The following CADM2 variants were observed in gnomAD, a reference collection of about 807,000 sequenced individuals.
CADM2 encodes the protein immunoglobulin superfamily member 4D.
CADM2 carries 12 observed loss-of-function variants against 49.8 expected under a neutral mutation model. The ratio of observed to expected loss-of-function variants is 0.24; its 90% CI spans 0.15 to 0.39. The LOEUF is 0.39. Among genes scored for constraint, CADM2 ranks in the 10% least tolerant of loss-of-function variants. CADM2 has a pLI of 1.00. For missense variants in CADM2, 378 were observed against 492.3 expected, an observed-to-expected ratio of 0.77 and a Z score of 2.20; for synonymous variants, 214 against 175.4, an observed-to-expected ratio of 1.22 and a Z score of -1.74.
At chr3:85,760,529 T>G (rs2069325184) in intron 2 of CADM2, among the ~76,000 whole-genome samples, 1 of 152,172 alleles carries the variant, frequency 6.6e-6, no homozygotes. Flanking sequence ...CACCTTAACA[T>G]AGTTCTAGTA....
chr3:85,927,937 TA>T (rs1485282004), intron 6 of CADM2, among the ~76,000 whole-genome samples: 30 of 152,170 alleles, frequency 2.0e-4, no homozygotes, highest in Non-Finnish European at 2.4e-4. Flanking sequence ...TGACGCTAAA[TA>T]CTTTCAAAGC....
At chr3:85,302,375 C>T (rs576128661) in intron 1 of CADM2, among the ~76,000 whole-genome samples, 10 of 152,088 alleles carry the variant, frequency 6.6e-5, no homozygotes, top group Non-Finnish European at 1.5e-4. Flanking sequence ...TGCAGGAATC[C>T]TGAGTATGTC....
chr3:85,306,085 A>G (rs906565668), intron 1 of CADM2, among the ~76,000 whole-genome samples: 1 of 151,692 alleles, frequency 6.6e-6, no homozygotes, highest in Non-Finnish European at 1.5e-5. Flanking sequence ...TGAGATAAAT[A>G]TATTATTTGA....
chr3:85,841,420 A>G lies in CADM2; in HGVS notation c.238+39224A>G, dbSNP rs557839933. 2.6e-5 allele frequency among the ~76,000 whole-genome samples: 4 copies of G among 152,030 alleles called. No homozygotes were observed. In the East Asian group the frequency reaches 7.8e-4, roughly 29 times the overall value. ...AGCTTAAAGTTTATTTAGTCCTACC[A>G]TCTTTCTGATATTACTTTCATTTCC... On this transcript the variant is annotated intron_variant, in intron 3 of 9. Transcript: ENST00000383699.
At chr3:85,247,176 G>A (rs528212791) in intron 1 of CADM2, among the ~76,000 whole-genome samples, 5 of 152,144 alleles carry the variant, frequency 3.3e-5, no homozygotes, top group Admixed American at 6.5e-5. Context: ...AAAGGGCATA[G>A]TGTAGAACAT....
intron 1 of CADM2, among the ~76,000 whole-genome samples, chr3:85,033,144 C>G (rs1431123799): frequency 6.6e-6 from 1 of 152,072 alleles, no homozygotes; most frequent in Non-Finnish European, 1.5e-5. Flanking sequence ...ATCATTTTTG[C>G]TTTTTGAGAT....
intron 2 of CADM2, among the ~76,000 whole-genome samples, chr3:85,748,207 A>G (rs753430954): frequency 6.6e-6 from 1 of 152,054 alleles, no homozygotes; most frequent in East Asian, 1.9e-4. Context: ...TCTTCCAGAC[A>G]TCAAAGCCTT....
chr3:85,689,110 T>A (rs545928284), intron 1 of CADM2, among the ~76,000 whole-genome samples: 1 of 152,302 alleles, frequency 6.6e-6, no homozygotes, highest in African/African-American at 2.4e-5. Flanking sequence ...TATCAATAGA[T>A]GCAAAAACAT....
At chr3:85,942,377 A>G (rs1257565186) in intron 7 of CADM2, among the ~76,000 whole-genome samples, 2 of 151,830 alleles carry the variant, frequency 1.3e-5, no homozygotes, top group Non-Finnish European at 2.9e-5. Context: ...GTACATGTGC[A>G]TATTGTGCAG....
At position 85,297,290 on chromosome 3, in the gene CADM2, A is replaced by G. The variant is rs191720408; in HGVS notation, c.61+337622A>G. On this transcript the variant is annotated intron_variant, in intron 1 of 9. Transcript: ENST00000383699. ...CTTCTATTTCTCTGGATATAATTAT[A>G]CTATTCACAAAGCTCTGAACTCTAG... Among the ~76,000 whole-genome samples, 4 of 152,190 alleles carry G rather than the reference A, an allele frequency of 2.6e-5. No individual in the cohort carries two copies. The East Asian group carries it at 7.8e-4, about 30-fold the overall frequency.
At chr3:85,215,732 G>A (rs2041910085) in intron 1 of CADM2, among the ~76,000 whole-genome samples, 1 of 152,090 alleles carries the variant, frequency 6.6e-6, no homozygotes. Context: ...GTCTTTCCGG[G>A]ACTCAAGTTC....
chr3:85,949,613 T>G (rs1011164676), intron 7 of CADM2, among the ~76,000 whole-genome samples: 2 of 151,144 alleles, frequency 1.3e-5, no homozygotes, highest in Admixed American at 6.6e-5. Context: ...CTTCAAAACT[T>G]TCAGTTTTAA....
chr3:85,764,526 G>A (rs2069555380), intron 2 of CADM2, among the ~76,000 whole-genome samples: 1 of 152,046 alleles, frequency 6.6e-6, no homozygotes, highest in South Asian at 2.1e-4. Flanking sequence ...TATGTTCAAA[G>A]TCAAGTCTTT....
At chr3:85,854,275 C>T (rs1441637581) in intron 3 of CADM2, among the ~76,000 whole-genome samples, 2 of 152,086 alleles carry the variant, frequency 1.3e-5, no homozygotes, top group African/African-American at 2.4e-5. Context: ...AATCCCACTA[C>T]TGGGTATATA....
chr3:85,372,773 G>C (rs1018656756), intron 1 of CADM2, among the ~76,000 whole-genome samples: 2 of 152,124 alleles, frequency 1.3e-5, no homozygotes, highest in Non-Finnish European at 2.9e-5. Context: ...ATGGCAGAAG[G>C]TAAAGGAGGA....
chr3:85,943,728 C>T (rs920982512), intron 7 of CADM2, among the ~76,000 whole-genome samples: 4 of 151,704 alleles, frequency 2.6e-5, no homozygotes, highest in African/African-American at 9.7e-5. Context: ...CAAACAGAGC[C>T]CTCAGAAATA....
chr3:85,843,534 AT>A (rs2074735683), intron 3 of CADM2, among the ~76,000 whole-genome samples: 1 of 151,938 alleles, frequency 6.6e-6, no homozygotes, highest in African/African-American at 2.4e-5. Context: ...TGGAATACAA[AT>A]TTTTTCTCAA....
chr3:85,286,104 A>C (rs2043626321), intron 1 of CADM2, among the ~76,000 whole-genome samples: 2 of 152,272 alleles, frequency 1.3e-5, no homozygotes, highest in South Asian at 4.1e-4. Flanking sequence ...GCATTCTTGT[A>C]TAATCTGGAT....
chr3:85,341,328 A>G (rs769585256), intron 1 of CADM2, among the ~76,000 whole-genome samples: 1 of 152,026 alleles, frequency 6.6e-6, no homozygotes, highest in South Asian at 2.1e-4. Flanking sequence ...GTTAAACTTG[A>G]TAAGTATAAA....
Sources: gnomAD v4.1 joint callset for allele counts (sites outside exome capture counted in the v4.1 genomes callset) on GRCh38, gnomAD v4.1.1 for gene constraint, MANE v1.5 for transcripts, NCBI Gene and HGNC (gene_info 2026-07-23, HGNC 2026-07-21) for gene names.